Variants in CNTN6 observed in about 807,000 individuals in gnomAD.
CNTN6 encodes contactin-6.
A neutral mutation model predicts 122.8 loss-of-function variants in CNTN6; 137 were observed. The observed-to-expected ratio is 1.12, with a 90% CI of 0.97 to 1.29. CNTN6 has a LOEUF of 1.29. Among genes scored for constraint, CNTN6 ranks in the 50% most tolerant of loss-of-function variants. The probability of loss-of-function intolerance (pLI) is 0.00; values close to 1 mark genes in which losing one functional copy is unlikely to be tolerated. For missense variants in CNTN6, 1,634 were observed against 1,223.4 expected (o/e 1.34, Z -5.01); for synonymous variants, 570 against 426.0 (o/e 1.34, Z -4.16).
At chr3:1,188,233 G>T (rs866231239) in intron 2 of CNTN6, among the ~76,000 whole-genome samples, 15 of 152,244 alleles carry the variant, frequency 9.9e-5, no homozygotes, top group Middle Eastern at 6.8e-3. Context: ...AGAACTGGAG[G>T]GGAATGCTTG....
chr3:1,368,893 C>T (rs969409786), intron 12 of CNTN6, among the ~76,000 whole-genome samples: 3 of 152,084 alleles, frequency 2.0e-5, no homozygotes, highest in African/African-American at 7.2e-5. Context: ...TCAAAAAAGA[C>T]ACCCCACGCT....
chr3:1,251,072 C>G (rs1659751643), intron 4 of CNTN6, among the ~76,000 whole-genome samples: 1 of 152,184 alleles, frequency 6.6e-6, no homozygotes, highest in African/African-American at 2.4e-5. Flanking sequence ...CACTGTCATT[C>G]TCTGCATAAT....
At position 1,102,685 on chromosome 3, in the gene CNTN6, G is replaced by A. The variant is rs541039473; in HGVS notation, c.-83+9565G>A. 9.4e-4 allele frequency among the ~76,000 whole-genome samples: 141 copies of A among 149,940 alleles called. 7 individuals carry two copies. The highest frequency in any genetic ancestry group is 1.3e-3 in the Non-Finnish European group (85 of 67,022). ...GGAGCTTGCAGTGAGCAGAGATGGCGCCACCGCCCTCCAGCCTGGGCGACA... is the reference window on the plus strand; with the variant it reads ...GGAGCTTGCAGTGAGCAGAGATGGCACCACCGCCCTCCAGCCTGGGCGACA... On this transcript the variant is annotated intron_variant, in intron 1 of 22. Transcript: ENST00000446702.
intron 5 of CNTN6, among the ~76,000 whole-genome samples, chr3:1,280,466 T>TTTTTTTTTTTTTTG (rs1693190570): frequency 8.2e-6 from 1 of 121,594 alleles, no homozygotes; most frequent in African/African-American, 3.1e-5. Context: ...CCAATTTTTT[T>TTTTTTTTTTTTTTG]TTTTTTTTTT....
At chr3:1,311,652 AG>A (rs1181417688) in intron 7 of CNTN6, among the ~76,000 whole-genome samples, 1 of 151,142 alleles carries the variant, frequency 6.6e-6, no homozygotes, top group Non-Finnish European at 1.5e-5. Flanking sequence ...GCAAGAAAAA[AG>A]GAGACAATAA....
rs529797842 is a variant in CNTN6 at position 1,328,676 on chromosome 3, C to T, written c.1213+1090C>T. On this transcript the variant is annotated intron_variant, in intron 10 of 22. Coordinates refer to ENST00000446702, the MANE Select transcript of CNTN6 (RefSeq NM_001289080.2). ...CTACATTGAGGACATTCCCTTTAAT[C>T]TAAGATCAGAAGTAAAAACATGCAT... is the stretch of plus-strand genomic sequence containing the variant. 7.9e-5 allele frequency among the ~76,000 whole-genome samples: 12 copies of T among 151,774 alleles called. No homozygotes were observed. In the South Asian group the frequency reaches 2.3e-3, roughly 29 times the overall value.
At chr3:1,365,006 C>G (rs1011422006) in intron 12 of CNTN6, among the ~76,000 whole-genome samples, 1 of 151,908 alleles carries the variant, frequency 6.6e-6, no homozygotes, top group Non-Finnish European at 1.5e-5. Flanking sequence ...GTGGCTAGTT[C>G]TTATGATTTC....
intron 4 of CNTN6, among the ~76,000 whole-genome samples, chr3:1,261,797 C>T (rs1288601452): frequency 6.6e-6 from 1 of 152,102 alleles, no homozygotes; most frequent in Admixed American, 6.6e-5. Flanking sequence ...AAGAAATTAG[C>T]TTGATATTTA....
intron 1 of CNTN6, among the ~76,000 whole-genome samples, chr3:1,104,174 G>GT (rs2091102204): frequency 6.6e-6 from 1 of 151,230 alleles, no homozygotes; most frequent in African/African-American, 2.5e-5. Context: ...CAGGTGGAAA[G>GT]GGGGGCTAAC....
intron 11 of CNTN6, among the ~76,000 whole-genome samples, chr3:1,332,472 A>C (rs1702426083): frequency 6.7e-6 from 1 of 149,790 alleles, no homozygotes; most frequent in South Asian, 2.1e-4. Flanking sequence ...AGTGATAAGA[A>C]AGAGAGAAAG....
Position 1,346,051 on chromosome 3 carries a change from G to C in CNTN6, c.1365-6273G>C, listed in dbSNP as rs551435003. 3.3e-5 allele frequency among the ~76,000 whole-genome samples: 5 copies of C among 150,972 alleles called. No homozygotes were observed. The East Asian group carries it at 7.8e-4, about 24-fold the overall frequency. On this transcript the variant is annotated intron_variant, in intron 11 of 22. Transcript: ENST00000446702. ...TCTTTGTCCTCAAACTTTGTACAAA[G>C]TTATGGTTGATACCAAACAAAAAAT... is the stretch of plus-strand genomic sequence containing the variant.
At chr3:1,307,567 A>G (rs760955515) in intron 7 of CNTN6, among the ~76,000 whole-genome samples, 3 of 152,086 alleles carry the variant, frequency 2.0e-5, no homozygotes, top group Non-Finnish European at 4.4e-5. Context: ...TGATTATTAT[A>G]AAGTCCATAT....
intron 2 of CNTN6, among the ~76,000 whole-genome samples, chr3:1,163,060 T>C (rs989270664): frequency 7.2e-5 from 11 of 152,216 alleles, no homozygotes; most frequent in African/African-American, 2.7e-4. Flanking sequence ...CACACCATCC[T>C]TTCCAGTTCT....
At chr3:1,189,126 T>G (rs2093666657) in intron 2 of CNTN6, among the ~76,000 whole-genome samples, 1 of 152,214 alleles carries the variant, frequency 6.6e-6, no homozygotes, top group Non-Finnish European at 1.5e-5. Flanking sequence ...TAGCTAGAAT[T>G]GATACAGTAG....
intron 1 of CNTN6, among the ~76,000 whole-genome samples, chr3:1,097,611 T>A (rs1574819030): frequency 6.6e-6 from 1 of 152,292 alleles, no homozygotes; most frequent in East Asian, 1.9e-4. Context: ...TAGCACAGAA[T>A]AGCTCTGTGG....
chr3:1,239,319 AG>A (rs1436468588), intron 4 of CNTN6, among the ~76,000 whole-genome samples: 1 of 152,236 alleles, frequency 6.6e-6, no homozygotes, highest in Non-Finnish European at 1.5e-5. Flanking sequence ...AATTCACCAA[AG>A]TTTCCAGATA....
chr3:1,362,259 A>G (rs1344115938), intron 12 of CNTN6, among the ~76,000 whole-genome samples: 3 of 152,094 alleles, frequency 2.0e-5, no homozygotes, highest in Non-Finnish European at 4.4e-5. Context: ...TTGATCCACA[A>G]CGTCTAGCAT....
intron 11 of CNTN6, among the ~76,000 whole-genome samples, chr3:1,336,629 A>C (rs140490536): frequency 4.1e-4 from 62 of 152,282 alleles, no homozygotes; most frequent in African/African-American, 1.5e-3. Flanking sequence ...TTTATCCTAC[A>C]ATAATGCTAC....
chr3:1,272,331 GA>G (rs1417836854), intron 4 of CNTN6, among the ~76,000 whole-genome samples: 1 of 152,174 alleles, frequency 6.6e-6, no homozygotes, highest in African/African-American at 2.4e-5. Flanking sequence ...AGTCATCTGT[GA>G]ACCTCAATTT....
Sources: allele counts gnomAD v4.1 joint callset (sites outside exome capture counted in the v4.1 genomes callset), GRCh38; gene constraint gnomAD v4.1.1; transcripts MANE v1.5; gene names NCBI Gene and HGNC (gene_info 2026-07-23, HGNC 2026-07-21).